The following GLG1 variants were observed in gnomAD, a reference collection of about 807,000 sequenced individuals.
GLG1 encodes Golgi apparatus protein 1.
Under a neutral mutation model 160.5 loss-of-function variants are expected in GLG1, and 38 were observed. That is an observed-to-expected ratio of 0.24 (90% CI 0.18 to 0.31). The LOEUF (loss-of-function observed/expected upper bound fraction) is 0.31. Among genes scored for constraint, GLG1 ranks in the 10% least tolerant of loss-of-function variants. The probability of loss-of-function intolerance (pLI) is 1.00; values close to 1 mark genes in which losing one functional copy is unlikely to be tolerated. For missense variants in GLG1, 1,373 were observed against 1,505.2 expected (o/e 0.91, Z 1.45); for synonymous variants, 644 against 543.4 (o/e 1.19, Z -2.57).
chr16:74,548,520 T>C (rs1308694960), intron 1 of GLG1, among the ~76,000 whole-genome samples: 1 of 152,168 alleles, frequency 6.6e-6, no homozygotes, highest in Non-Finnish European at 1.5e-5. Context: ...CCATATGTTA[T>C]CTGGTTGACA....
chr16:74,525,475 G>C lies in GLG1; in HGVS notation c.471+6646C>G, dbSNP rs532523911. 1.2e-3 allele frequency among the ~76,000 whole-genome samples: 181 copies of C among 151,868 alleles called. 1 individual carries two copies. Among genetic ancestry groups the C allele is most frequent in the African/African-American group, 4.3e-3 (178 of 41,412 alleles). Reference sequence around the variant, plus strand: ...GGCTACATTTTTAAAATTCTTCTTTGTAGAGATAGGGGGTCTCCGTATGTT... The same window carrying C: ...GGCTACATTTTTAAAATTCTTCTTTCTAGAGATAGGGGGTCTCCGTATGTT... On this transcript the variant is annotated intron_variant, in intron 2 of 25. Coordinates refer to ENST00000422840, the MANE Select transcript of GLG1 (RefSeq NM_001145667.2).
At chr16:74,569,641 C>G (rs1342343962) in intron 1 of GLG1, among the ~76,000 whole-genome samples, 3 of 152,106 alleles carry the variant, frequency 2.0e-5, no homozygotes, top group Non-Finnish European at 2.9e-5. Context: ...ATGGGTGGAT[C>G]ACCTGAGGTC....
chr16:74,539,919 T>C (rs1293635413), intron 1 of GLG1, among the ~76,000 whole-genome samples: 1 of 130,444 alleles, frequency 7.7e-6, no homozygotes, highest in Non-Finnish European at 1.6e-5. Context: ...AAGCAGGAAA[T>C]AAAAAATAAC....
At chr16:74,595,372 C>T (rs1038754539) in intron 1 of GLG1, among the ~76,000 whole-genome samples, 1 of 151,184 alleles carries the variant, frequency 6.6e-6, no homozygotes, top group Non-Finnish European at 1.5e-5. Context: ...CTGGTCTCTA[C>T]TAAACATACA....
intron 4 of GLG1, among the ~76,000 whole-genome samples, chr16:74,502,188 T>C (rs920369443): frequency 3.9e-5 from 6 of 152,198 alleles, no homozygotes; most frequent in Admixed American, 1.3e-4. Flanking sequence ...CAGCAACTAA[T>C]AGGTGATGCC....
At chr16:74,598,120 C>G (rs1958350041) in intron 1 of GLG1, among the ~76,000 whole-genome samples, 1 of 152,276 alleles carries the variant, frequency 6.6e-6, no homozygotes, top group Admixed American at 6.5e-5. Flanking sequence ...TCCCTCAGAA[C>G]AGGGCACACA....
chr16:74,585,024 T>G (rs931497881), intron 1 of GLG1, among the ~76,000 whole-genome samples: 1 of 152,186 alleles, frequency 6.6e-6, no homozygotes, highest in African/African-American at 2.4e-5. Context: ...CTTATTCATG[T>G]AACCAAACAC....
At chr16:74,583,782 A>G (rs541772833) in intron 1 of GLG1, among the ~76,000 whole-genome samples, 1 of 152,120 alleles carries the variant, frequency 6.6e-6, no homozygotes, top group Non-Finnish European at 1.5e-5. Context: ...CCAATGTCCA[A>G]GCATCTCTCT....
At chr16:74,481,904 G>A (rs539315776) in intron 10 of GLG1, among the ~76,000 whole-genome samples, 2 of 152,116 alleles carry the variant, frequency 1.3e-5, no homozygotes, top group Non-Finnish European at 2.9e-5. Flanking sequence ...TCCTGCCTCA[G>A]CCTCCCGAGT....
chr16:74,593,043 A>G (rs1176971234), intron 1 of GLG1, among the ~76,000 whole-genome samples: 1 of 152,152 alleles, frequency 6.6e-6, no homozygotes, highest in Non-Finnish European at 1.5e-5. Context: ...TCCCTCTTGC[A>G]TTCTCTTGCC....
intron 17 of GLG1, chr16:74,468,084 G>C: frequency 4.5e-6 from 2 of 443,886 alleles, no homozygotes; most frequent in Non-Finnish European, 7.9e-6. Flanking sequence ...ACCTTATTTA[G>C]TCCTTCACAG....
At chr16:74,542,315 A>C (rs1238179008) in intron 1 of GLG1, among the ~76,000 whole-genome samples, 3 of 151,270 alleles carry the variant, frequency 2.0e-5, no homozygotes, top group Non-Finnish European at 4.4e-5. Context: ...GATTTGGAAC[A>C]GCTGAACAAA....
At chr16:74,590,234 C>T (rs1444452717) in intron 1 of GLG1, among the ~76,000 whole-genome samples, 2 of 152,006 alleles carry the variant, frequency 1.3e-5, no homozygotes, top group East Asian at 2.0e-4. Flanking sequence ...CTCCTGATCT[C>T]GTGATCCGCC....
rs1350693111 is a variant in GLG1 at position 74,606,995 on chromosome 16, C to T, written c.100G>A (p.Gly34Ser). ...GGACCCTGGCCCTGGCTGTGGACGC[C>T]CTGGCCGGGGAGTTTCTCGGCCCCG... ...AAGAEKLPGQGVHSQGQGPGA... is the reference protein window; with the variant it reads ...AAGAEKLPGQSVHSQGQGPGA... Residue 34 changes from glycine to serine, a missense_variant, in exon 1 of 26, where the codon GGC becomes AGC. By Grantham distance (56) the Gly-to-Ser change is moderately conservative (BLOSUM62 0). Coordinates refer to ENST00000422840, the MANE Select transcript of GLG1 (RefSeq NM_001145667.2). 1 of 1,606,126 alleles carries T rather than the reference C, an allele frequency of 6.2e-7. No homozygotes were observed. The highest frequency in any genetic ancestry group is 8.5e-7 in the Non-Finnish European group (1 of 1,178,184).
chr16:74,507,549 A>C (rs1446129978), intron 3 of GLG1, among the ~76,000 whole-genome samples: 1 of 152,170 alleles, frequency 6.6e-6, no homozygotes, highest in Non-Finnish European at 1.5e-5. Flanking sequence ...CAGCCTGGCC[A>C]ACATGGCAAA....
At chr16:74,534,377 A>G (rs1311222055) in intron 1 of GLG1, among the ~76,000 whole-genome samples, 1 of 152,256 alleles carries the variant, frequency 6.6e-6, no homozygotes, top group Non-Finnish European at 1.5e-5. Context: ...AGTTTTCCCA[A>G]TCAATTAGCA....
intron 5 of GLG1, among the ~76,000 whole-genome samples, chr16:74,495,106 CT>C (rs5817913): frequency 0.85 from 70,442 of 83,208 alleles, 29,637 homozygotes; most frequent in Admixed American, 0.88. Flanking sequence ...GAGTCTGAGT[CT>C]TTTTTTTTTT....
intron 10 of GLG1, among the ~76,000 whole-genome samples, chr16:74,481,959 T>C (rs2015616423): frequency 6.6e-6 from 1 of 152,094 alleles, no homozygotes; most frequent in Non-Finnish European, 1.5e-5. Flanking sequence ...GCTAATTTTT[T>C]TTGTATTTTT....
chr16:74,478,040 C>T (rs1056239292), intron 11 of GLG1, among the ~76,000 whole-genome samples: 2 of 146,220 alleles, frequency 1.4e-5, no homozygotes, highest in African/African-American at 5.0e-5. Flanking sequence ...TTCGAAAAGC[C>T]CATATCTTTA....
Sources: allele counts gnomAD v4.1 joint callset (sites outside exome capture counted in the v4.1 genomes callset), GRCh38; gene constraint gnomAD v4.1.1; transcripts MANE v1.5; gene names NCBI Gene and HGNC (gene_info 2026-07-23, HGNC 2026-07-21).